Variants in KDM8 observed in about 807,000 individuals in gnomAD.
The protein encoded by KDM8 is bifunctional peptidase and arginyl-hydroxylase JMJD5.
KDM8 carries 35 observed loss-of-function variants against 46.9 expected under a neutral mutation model. The ratio of observed to expected loss-of-function variants is 0.75; its 90% CI spans 0.57 to 0.99. The LOEUF (loss-of-function observed/expected upper bound fraction) is 0.99. KDM8 is among the 50% of genes least tolerant of loss of function. The probability of loss-of-function intolerance (pLI) is 0.00; values close to 1 mark genes in which losing one functional copy is unlikely to be tolerated. For synonymous variants in KDM8, 232 were observed against 227.7 expected (o/e 1.02, Z -0.17); for missense variants, 475 against 537.0 (o/e 0.88, Z 1.14).
At chr16:27,204,042 C>A (rs1228957570) in intron 1 of KDM8, 63 of 1,496,008 alleles carry the variant, frequency 4.2e-5, no homozygotes, top group Non-Finnish European at 5.2e-5. Flanking sequence ...CCAGCCGCTG[C>A]CCCTGGGCCG....
intron 2 of KDM8, among the ~76,000 whole-genome samples, chr16:27,212,745 A>G (rs1213638863): frequency 1.3e-5 from 2 of 152,162 alleles, no homozygotes; most frequent in Non-Finnish European, 2.9e-5. Context: ...ATAAATAAAT[A>G]AATAAATAAA....
In KDM8 at chr16:27,210,104, A is replaced by C. The variant is rs1344047885; in HGVS notation, c.-20A>C. Reference sequence around the variant, plus strand: ...CTCCACCTCCCCAGGCACGGGACTGAACCAGCTGGTGGTGGCCCGATGGCT... The same window carrying C: ...CTCCACCTCCCCAGGCACGGGACTGCACCAGCTGGTGGTGGCCCGATGGCT... On this transcript the variant is annotated 5_prime_UTR_variant, in exon 2 of 8. Transcript: ENST00000286096. 1 of 1,606,998 alleles carries C rather than the reference A, an allele frequency of 6.2e-7. No homozygotes were observed. The highest frequency in any genetic ancestry group is 1.3e-5 in the African/African-American group (1 of 74,812).
chr16:27,203,966 T>G, intron 1 of KDM8: 1 of 692,252 alleles, frequency 1.4e-6, no homozygotes, highest in South Asian at 1.9e-5. Context: ...GTCGCGTTGG[T>G]GTAGGCCTAG....
intron 6 of KDM8, 50 bp downstream of exon 6, chr16:27,219,160 C>G: frequency 6.5e-7 from 1 of 1,527,032 alleles, no homozygotes; most frequent in Non-Finnish European, 8.8e-7. Context: ...CTGGCCCAGA[C>G]ACCTGGCCGG....
chr16:27,214,788 G>C, intron 3 of KDM8, 88 bp from the exon 4 acceptor site: 2 of 1,482,508 alleles, frequency 1.3e-6, no homozygotes, highest in Non-Finnish European at 1.9e-6. Flanking sequence ...GTTTTCCGAG[G>C]ATGAAAGGGG....
At chr16:27,205,557 C>T (rs1213008933) in intron 1 of KDM8, among the ~76,000 whole-genome samples, 1 of 152,096 alleles carries the variant, frequency 6.6e-6, no homozygotes, top group Non-Finnish European at 1.5e-5. Flanking sequence ...AAAGCCTTCT[C>T]TGGGCCGGGC....
intron 2 of KDM8, chr16:27,211,376 C>T (rs758113723): frequency 2.8e-6 from 1 of 358,012 alleles, no homozygotes; most frequent in Non-Finnish European, 5.5e-6. Context: ...GTTTTGGGGT[C>T]AATCTCTCCC....
Position 27,220,380 on chromosome 16 carries a change from T to C in KDM8, c.994-13T>C. ...TGAGGCCACCAGCTGACTGTCAGGG[T>C]CTCTCTCCCCAGGTGATGGGGAGGA... On this transcript the variant is annotated splice_polypyrimidine_tract_variant and intron_variant, in intron 6 of 7. Transcript: ENST00000286096. 1 of 1,610,090 alleles carries C rather than the reference T, an allele frequency of 6.2e-7. No homozygotes were observed. Among genetic ancestry groups the C allele is most frequent in the Non-Finnish European group, 8.5e-7 (1 of 1,176,624 alleles).
At position 27,216,000 on chromosome 16, in the gene KDM8, G is replaced by GGCCA; in HGVS notation, c.843+12_843+15dup. On this transcript the variant is annotated intron_variant, in intron 5 of 7. Coordinates refer to ENST00000286096, the MANE Select transcript of KDM8 (RefSeq NM_024773.3). ...CAGCTCTTTGACCAGGTAAGTCTGA[G>GGCCA]GCCACGCACCTCTGCCCCTCACCGT... is the stretch of plus-strand genomic sequence containing the variant. 1 of 1,614,144 alleles carries GGCCA rather than the reference G, an allele frequency of 6.2e-7. No homozygotes were observed. The highest frequency in any genetic ancestry group is 2.2e-5 in the East Asian group (1 of 44,870).
At position 27,215,977 on chromosome 16, in the gene KDM8, G is replaced by C; in HGVS notation, c.831G>C (p.Gln277His). 1.9e-6 allele frequency: 3 copies of C among 1,614,214 alleles called. No homozygotes were observed. Among genetic ancestry groups the C allele is most frequent in the Non-Finnish European group, 2.5e-6 (3 of 1,180,026 alleles). Residue 277 changes from glutamine to histidine, a missense_variant, in exon 5 of 8, where the codon CAG (glutamine) becomes CAC (histidine). Coordinates refer to ENST00000286096, the MANE Select transcript of KDM8 (RefSeq NM_024773.3). ...PRDVGYLAQH[Q>H]LFDQIPELKQ... Reference sequence around the variant, plus strand: ...ACGTCGGGTACCTTGCTCAGCACCAGCTCTTTGACCAGGTAAGTCTGAGGC... The same window carrying C: ...ACGTCGGGTACCTTGCTCAGCACCACCTCTTTGACCAGGTAAGTCTGAGGC...
In KDM8 at chr16:27,220,226, A is replaced by T. The variant is rs555769316; in HGVS notation, c.994-167A>T. ...ACCGAGTGAGACCCTGTCTCTAAAA[A>T]ATAAAAAAGAAAGAAAAACATACAC... On this transcript the variant is annotated intron_variant, in intron 6 of 7. Transcript: ENST00000286096. The T allele has an allele frequency of 1.6e-4, 106 of 675,968 alleles. No individual in the cohort carries two copies. In the South Asian group the frequency reaches 1.7e-3, roughly 11 times the overall value. The allele number at this position is 675,968 out of a possible 1,614,324, so 41.9% of individuals were successfully genotyped here.
At chr16:27,210,766 TTC>T in intron 2 of KDM8, 145 bp downstream of exon 2, 2 of 845,706 alleles carry the variant, frequency 2.4e-6, no homozygotes, top group Non-Finnish European at 3.4e-6. Flanking sequence ...GATTTTGGAT[TTC>T]TGTTTGTTTT....
At chr16:27,217,840 C>T (rs1041741256) in intron 5 of KDM8, among the ~76,000 whole-genome samples, 3 of 146,884 alleles carry the variant, frequency 2.0e-5, no homozygotes, top group African/African-American at 7.3e-5. Context: ...TGAAAAATGC[C>T]GCCAGGTCCA....
chr16:27,213,594 G>A lies in KDM8; in HGVS notation c.508G>A (p.Ala170Thr). Residue 170 changes from alanine to threonine, a missense_variant, in exon 3 of 8, where the codon GCG (alanine) becomes ACG (threonine). Transcript: ENST00000286096. ...TTTTGATTTTAAACAGAAAGCAAGG[G>A]CGGACCATGGTTTGATTCCAGATGT... ...PEQPCTKKAR[A>T]DHGLIPDVKL... The A allele has an allele frequency of 6.2e-7, 1 of 1,613,990 alleles. No individual in the cohort carries two copies. Among genetic ancestry groups the A allele is most frequent in the East Asian group, 2.2e-5 (1 of 44,866 alleles).
chr16:27,209,530 C>G (rs1326160230), intron 1 of KDM8, among the ~76,000 whole-genome samples: 1 of 152,174 alleles, frequency 6.6e-6, no homozygotes, highest in Non-Finnish European at 1.5e-5. Flanking sequence ...CCGGCCTTCT[C>G]GAATACTTTT....
rs140314165 is a variant in KDM8 at position 27,216,680 on chromosome 16, G to A, written c.843+691G>A. Reference sequence around the variant, plus strand: ...CGATGGGGGACCCAGGGCCAGTAGGGGCTGTGCCAGGAGCCTTCATGCCGA... The same window carrying A: ...CGATGGGGGACCCAGGGCCAGTAGGAGCTGTGCCAGGAGCCTTCATGCCGA... On this transcript the variant is annotated intron_variant, in intron 5 of 7. Coordinates refer to ENST00000286096, the MANE Select transcript of KDM8 (RefSeq NM_024773.3). Among the ~76,000 whole-genome samples the A allele has an allele frequency of 6.3e-3, 953 of 152,266 alleles. 8 individuals carry two copies. Among genetic ancestry groups the A allele is most frequent in the African/African-American group, 0.022 (915 of 41,552 alleles).
At chr16:27,209,315 C>T (rs2083457577) in intron 1 of KDM8, among the ~76,000 whole-genome samples, 1 of 152,146 alleles carries the variant, frequency 6.6e-6, no homozygotes, top group South Asian at 2.1e-4. Context: ...CAACCTTTGC[C>T]CCCAGGCTTA....
intron 3 of KDM8, 91 bp downstream of exon 3, chr16:27,213,842 T>C: frequency 7.5e-7 from 1 of 1,331,100 alleles, no homozygotes; most frequent in Non-Finnish European, 1.0e-6. Context: ...CCCAGGGAAA[T>C]GCAACCTTGT....
At position 27,210,080 on chromosome 16, in the gene KDM8, T is replaced by C; in HGVS notation, c.-31-13T>C. On this transcript the variant is annotated splice_polypyrimidine_tract_variant and intron_variant, in intron 1 of 7. Coordinates refer to ENST00000286096, the MANE Select transcript of KDM8 (RefSeq NM_024773.3). ...TCCTGGTGTCTAACTCTTGTTTCTC[T>C]CCACCTCCCCAGGCACGGGACTGAA... The C allele has an allele frequency of 6.3e-7, 1 of 1,582,708 alleles. No individual in the cohort carries two copies. Among genetic ancestry groups the C allele is most frequent in the Non-Finnish European group, 8.6e-7 (1 of 1,165,150 alleles).
Sources: allele counts gnomAD v4.1 joint callset (sites outside exome capture counted in the v4.1 genomes callset), GRCh38; gene constraint gnomAD v4.1.1; transcripts MANE v1.5; gene names NCBI Gene and HGNC (gene_info 2026-07-23, HGNC 2026-07-21).